LSM12: variants seen among roughly 807,000 people sequenced by gnomAD.
The protein encoded by LSM12 is protein LSM12.
For missense variants in LSM12, 108 were observed against 238.9 expected, an observed-to-expected ratio of 0.45 and a Z score of 3.61; for synonymous variants, 74 against 87.3, an observed-to-expected ratio of 0.85 and a Z score of 0.85.
At chr17:44,059,777 G>A (rs2049770757) in intron 2 of LSM12, among the ~76,000 whole-genome samples, 1 of 152,130 alleles carries the variant, frequency 6.6e-6, no homozygotes, top group Non-Finnish European at 1.5e-5. Context: ...CTAGGTCAGA[G>A]TCAACAAATA....
At position 44,065,886 on chromosome 17, in the gene LSM12, C is replaced by T. The variant is rs890584900; in HGVS notation, c.124+578G>A. Among the ~76,000 whole-genome samples the T allele has an allele frequency of 5.3e-5, 8 of 152,100 alleles. No homozygotes were observed. In the South Asian group the frequency reaches 1.7e-3, roughly 32 times the overall value. ...AGCCCCCCCACCACACATACACACG[C>T]ATCAGCGAAACAAGCCACTATCCCT... On this transcript the variant is annotated intron_variant, in intron 1 of 4. Transcript: ENST00000293406.
chr17:44,054,681 C>A (rs936181632), intron 2 of LSM12, among the ~76,000 whole-genome samples: 1 of 152,108 alleles, frequency 6.6e-6, no homozygotes, highest in African/African-American at 2.4e-5. Context: ...ACTTGACATG[C>A]CCCTGCCACT....
chr17:44,066,293 G>A (rs989464010), intron 1 of LSM12, among the ~76,000 whole-genome samples, 171 bp downstream of exon 1: 2 of 152,168 alleles, frequency 1.3e-5, no homozygotes, highest in Non-Finnish European at 2.9e-5. Context: ...TGACCGAAGG[G>A]CCCGCGGGAG....
intron 2 of LSM12, among the ~76,000 whole-genome samples, chr17:44,051,574 T>C (rs2049645033): frequency 6.6e-6 from 1 of 151,798 alleles, no homozygotes; most frequent in African/African-American, 2.4e-5. Context: ...AATATATATA[T>C]ATATAGTTCC....
chr17:44,041,351 A>ACAC (rs2049492220), intron 2 of LSM12, among the ~76,000 whole-genome samples: 3 of 151,224 alleles, frequency 2.0e-5, no homozygotes, highest in Non-Finnish European at 4.4e-5. Flanking sequence ...ACACACACAC[A>ACAC]GAATTTCCAT....
intron 2 of LSM12, among the ~76,000 whole-genome samples, chr17:44,059,883 G>T (rs1039828750): frequency 6.6e-6 from 1 of 152,176 alleles, no homozygotes; most frequent in Non-Finnish European, 1.5e-5. Flanking sequence ...AGTTAGAGTA[G>T]GCCGGGTGTG....
At chr17:44,057,006 A>G (rs1269032925) in intron 2 of LSM12, among the ~76,000 whole-genome samples, 1 of 151,764 alleles carries the variant, frequency 6.6e-6, no homozygotes, top group East Asian at 2.0e-4. Context: ...ACATAAAAAA[A>G]TAAGACGGAC....
At chr17:44,065,588 G>A (rs151154965) in intron 1 of LSM12, among the ~76,000 whole-genome samples, 5 of 152,204 alleles carry the variant, frequency 3.3e-5, no homozygotes, top group African/African-American at 1.2e-4. Context: ...GAGTTTCCTG[G>A]AGTAATTCAG....
chr17:44,066,303 G>A (rs1437997048), intron 1 of LSM12, among the ~76,000 whole-genome samples, 161 bp downstream of exon 1: 1 of 152,212 alleles, frequency 6.6e-6, no homozygotes, highest in Non-Finnish European at 1.5e-5. Context: ...GCCCGCGGGA[G>A]GGGGAGGGGA....
chr17:44,044,777 ACAT>A (rs1375295958), intron 2 of LSM12, among the ~76,000 whole-genome samples: 1 of 152,232 alleles, frequency 6.6e-6, no homozygotes, highest in Non-Finnish European at 1.5e-5. Context: ...CTCATGCAGA[ACAT>A]GAATATGCCT....
rs1390462558 is a variant in LSM12 at position 44,034,440 on chromosome 17, T to C, written c.*1768A>G. ...TACAGCCTTTTCCCCACACTCCACC[T>C]ACACACCACTCCAAACCCTGGACCC... On this transcript the variant is annotated 3_prime_UTR_variant, in exon 5 of 5. Transcript: ENST00000293406. Among the ~76,000 whole-genome samples, 3 of 152,104 alleles carry C rather than the reference T, an allele frequency of 2.0e-5. No individual in the cohort carries two copies. The highest frequency in any genetic ancestry group is 4.4e-5 in the Non-Finnish European group (3 of 68,044).
At chr17:44,066,241 G>A (rs2049873587) in intron 1 of LSM12, among the ~76,000 whole-genome samples, 1 of 148,924 alleles carries the variant, frequency 6.7e-6, no homozygotes, top group Non-Finnish European at 1.5e-5. Flanking sequence ...CCTCGGTAAA[G>A]CCCCAGCTCC....
At chr17:44,052,070 T>C (rs2144095280) in intron 2 of LSM12, among the ~76,000 whole-genome samples, 1 of 152,126 alleles carries the variant, frequency 6.6e-6, no homozygotes, top group African/African-American at 2.4e-5. Flanking sequence ...ATCATGCTAC[T>C]GCACTCCAGC....
chr17:44,042,115 C>T (rs2049503084), intron 2 of LSM12, among the ~76,000 whole-genome samples: 1 of 152,022 alleles, frequency 6.6e-6, no homozygotes, highest in Admixed American at 6.5e-5. Flanking sequence ...GGTGAAACCC[C>T]GTCTCTACTA....
At chr17:44,067,316 C>T (rs1283319449), upstream of LSM12, 1 of 151,920 alleles carries the variant, frequency 6.6e-6, no homozygotes, top group Admixed American at 6.6e-5. Flanking sequence ...AACAAACAAA[C>T]AAAAAAAGAT....
At chr17:44,045,935 A>ATTTTTTTTTT (rs1597886871) in intron 2 of LSM12, among the ~76,000 whole-genome samples, 1 of 89,618 alleles carries the variant, frequency 1.1e-5, no homozygotes, top group East Asian at 3.7e-4. Flanking sequence ...AAAATATTTT[A>ATTTTTTTTTT]CTTTTTTTTT....
intron 2 of LSM12, among the ~76,000 whole-genome samples, chr17:44,056,615 C>T (rs529092282): frequency 6.6e-6 from 1 of 151,672 alleles, no homozygotes; most frequent in Admixed American, 6.6e-5. Flanking sequence ...ACTGCTTGAA[C>T]CCAGGAGGCA....
At chr17:44,046,062 G>T (rs1350578710) in intron 2 of LSM12, among the ~76,000 whole-genome samples, 1 of 144,046 alleles carries the variant, frequency 6.9e-6, no homozygotes, top group African/African-American at 2.6e-5. Flanking sequence ...TCAGCCTCCC[G>T]AGTAGCTGGG....
In LSM12 at chr17:44,050,811, G is replaced by A. The variant is rs117954737; in HGVS notation, c.259-10555C>T. Among the ~76,000 whole-genome samples, 109 of 151,886 alleles carry A rather than the reference G, an allele frequency of 7.2e-4. 1 individual carries two copies. The highest frequency in any genetic ancestry group is 9.1e-4 in the Non-Finnish European group (62 of 67,958). On this transcript the variant is annotated intron_variant, in intron 2 of 4. Coordinates refer to ENST00000293406, the MANE Select transcript of LSM12 (RefSeq NM_001371445.1). The stretch of plus-strand genomic sequence containing the variant: ...GCTGGAATTACAGGCATGAGCCACC[G>A]CGCCCAGTGTGCCTGAACATTTCTA...
Sources: gnomAD v4.1 joint callset for allele counts (sites outside exome capture counted in the v4.1 genomes callset) on GRCh38, gnomAD v4.1.1 for gene constraint, MANE v1.5 for transcripts, NCBI Gene and HGNC (gene_info 2026-07-23, HGNC 2026-07-21) for gene names.